The following LINC00305 variants were observed in gnomAD, a reference collection of about 807,000 sequenced individuals.
LINC00305 encodes long intergenic non-protein coding RNA 305.
At chr18:64,139,013 C>T (rs2051448572) in intron 1 of LINC00305, among the ~76,000 whole-genome samples, 1 of 152,202 alleles carries the variant, frequency 6.6e-6, no homozygotes, top group African/African-American at 2.4e-5. Context: ...AGAACCGCCA[C>T]AGGCAACTCC....
At chr18:64,144,492 A>G (rs76579652) in intron 1 of LINC00305, among the ~76,000 whole-genome samples, 1 of 151,918 alleles carries the variant, frequency 6.6e-6, no homozygotes, top group Non-Finnish European at 1.5e-5. Flanking sequence ...TGTAATTTAC[A>G]GAACTGTACA....
At chr18:64,088,868 A>C (rs1274586291) in intron 3 of LINC00305, among the ~76,000 whole-genome samples, 2 of 152,150 alleles carry the variant, frequency 1.3e-5, no homozygotes, top group Non-Finnish European at 2.9e-5. Context: ...GTCTTGAAAA[A>C]GCTAAACAGA....
intron 1 of LINC00305, among the ~76,000 whole-genome samples, chr18:64,144,773 C>A (rs1472623631): frequency 6.6e-6 from 1 of 152,104 alleles, no homozygotes; most frequent in Non-Finnish European, 1.5e-5. Context: ...AAGACAATGC[C>A]AGGTTGGACT....
intron 3 of LINC00305, among the ~76,000 whole-genome samples, chr18:64,088,819 A>G (rs925036279): frequency 1.3e-5 from 2 of 152,132 alleles, no homozygotes; most frequent in African/African-American, 2.4e-5. Context: ...GCCAGCTATA[A>G]TGAGAGGTGA....
chr18:64,114,356 G>A (rs941405252), intron 1 of LINC00305, among the ~76,000 whole-genome samples: 3 of 152,134 alleles, frequency 2.0e-5, no homozygotes, highest in Admixed American at 1.3e-4. Flanking sequence ...GGGAGGAGAC[G>A]GGTGCCTCAA....
At chr18:64,098,601 G>A in exon 2 of LINC00305, 1 of 442,108 alleles carries the variant, frequency 2.3e-6, no homozygotes, top group South Asian at 1.6e-5. Flanking sequence ...AGTCTATGAA[G>A]GTTGATCATA....
intron 1 of LINC00305, among the ~76,000 whole-genome samples, chr18:64,103,701 C>T (rs2051277296): frequency 6.6e-6 from 1 of 152,118 alleles, no homozygotes; most frequent in Non-Finnish European, 1.5e-5. Flanking sequence ...GGCTGATAAC[C>T]AGCATTGTAT....
rs35340500 is a variant in LINC00305, at chr18:64,112,335, CAA to C, written n.315-13697_315-13696del. 8.0e-3 allele frequency among the ~76,000 whole-genome samples: 876 copies of C among 109,078 alleles called. 7 individuals are homozygous for C. Among genetic ancestry groups the C allele is most frequent in the African/African-American group, 0.024 (661 of 27,708 alleles). 71.6% of individuals were successfully genotyped at this position (109,078 alleles called of 152,430 possible). A position where few individuals can be genotyped will look rare whatever the true frequency, so the allele number is the denominator to read the frequency against. On this transcript the variant is annotated intron_variant and non_coding_transcript_variant, in intron 1 of 3. Coordinates refer to ENST00000666468, the Ensembl canonical transcript of LINC00305. Reference sequence around the variant, plus strand: ...AAACGTTTCCATTTTGCACATTGCTCAAAAAAAAAAAAAAAAAAAATCCTACC... The same window carrying C: ...AAACGTTTCCATTTTGCACATTGCTCAAAAAAAAAAAAAAAAAATCCTACC...
At chr18:64,128,223 G>A (rs12455791) in intron 1 of LINC00305, among the ~76,000 whole-genome samples, 24,533 of 152,034 alleles carry the variant, frequency 0.16, 2,059 homozygotes, top group African/African-American at 0.19. Context: ...CTGGAAGAGT[G>A]ATATTTGCAA....
At chr18:64,134,201 G>A (rs2051422556) in intron 1 of LINC00305, among the ~76,000 whole-genome samples, 1 of 152,014 alleles carries the variant, frequency 6.6e-6, no homozygotes, top group Non-Finnish European at 1.5e-5. Context: ...TCACTTTTAG[G>A]GCATTCATAT....
chr18:64,096,498 A>G (rs1458755210), intron 3 of LINC00305, among the ~76,000 whole-genome samples: 2 of 151,858 alleles, frequency 1.3e-5, no homozygotes, highest in African/African-American at 4.8e-5. Context: ...AGGTACATAT[A>G]CAGAAGTTTA....
intron 1 of LINC00305, chr18:64,148,733 T>C (rs781315893): frequency 1.3e-5 from 2 of 152,100 alleles, no homozygotes; most frequent in African/African-American, 4.8e-5. Flanking sequence ...ACTTTCTTTT[T>C]TTTCAAAGTT....
intron 1 of LINC00305, chr18:64,147,517 A>T (rs2051503733): frequency 6.6e-6 from 1 of 152,152 alleles, no homozygotes; most frequent in South Asian, 2.1e-4. Context: ...TGTACAACTG[A>T]TATACAAATA....
chr18:64,090,574 G>A (rs892234556), intron 3 of LINC00305, among the ~76,000 whole-genome samples: 7 of 152,202 alleles, frequency 4.6e-5, no homozygotes, highest in African/African-American at 1.7e-4. Context: ...TGTGCCACTA[G>A]CGATCACTTG....
chr18:64,126,083 A>G (rs9958842), intron 1 of LINC00305, among the ~76,000 whole-genome samples: 36,782 of 151,862 alleles, frequency 0.24, 4,688 homozygotes, highest in Non-Finnish European at 0.28. Flanking sequence ...ATAAATTTTG[A>G]TTCATTATAA....
At chr18:64,120,784 GT>G (rs1258652272) in intron 1 of LINC00305, among the ~76,000 whole-genome samples, 1 of 151,992 alleles carries the variant, frequency 6.6e-6, no homozygotes, top group African/African-American at 2.4e-5. Context: ...ATTTTAACTG[GT>G]TTTGCCAGTT....
chr18:64,095,321 C>T (rs778306659), intron 3 of LINC00305, among the ~76,000 whole-genome samples: 1 of 152,102 alleles, frequency 6.6e-6, no homozygotes, highest in Non-Finnish European at 1.5e-5. Context: ...AAAGATTTTG[C>T]AGCTCAAAAT....
chr18:64,100,881 C>T (rs2850687), intron 1 of LINC00305, among the ~76,000 whole-genome samples: 19,365 of 152,088 alleles, frequency 0.13, 1,340 homozygotes, highest in Non-Finnish European at 0.16. Flanking sequence ...TGTCATGACT[C>T]TTCTGTTTGC....
rs142342210 is a variant in LINC00305, at chr18:64,093,535, T to A, written n.540+4299A>T. ...TTTTTATAGAGATGGTGTTTCACCA[T>A]GTTGGCCAGGTTGGTCTCGAATTCC... On this transcript the variant is annotated intron_variant and non_coding_transcript_variant, in intron 3 of 3. Transcript: ENST00000666468. Among the ~76,000 whole-genome samples the A allele has an allele frequency of 3.5e-3, 526 of 152,280 alleles. 3 individuals carry two copies. The highest frequency in any genetic ancestry group is 0.012 in the African/African-American group (510 of 41,538).
Sources: gnomAD v4.1 joint callset for allele counts (sites outside exome capture counted in the v4.1 genomes callset) on GRCh38, gnomAD v4.1.1 for gene constraint, MANE v1.5 for transcripts, NCBI Gene and HGNC (gene_info 2026-07-23, HGNC 2026-07-21) for gene names.